BCAS3: variants seen among roughly 807,000 people sequenced by gnomAD.
BCAS3 encodes BCAS3 microtubule associated cell migration factor, also known as BCAS4/BCAS3 fusion.
Under a neutral mutation model 116.1 loss-of-function variants are expected in BCAS3, and 53 were observed. The observed-to-expected ratio is 0.46, with a 90% confidence interval of 0.37 to 0.57. BCAS3 has a LOEUF of 0.57. BCAS3 is among the 20% of genes least tolerant of loss of function. The pLI, the probability that BCAS3 is intolerant of heterozygous loss-of-function variation, is 0.00. For missense variants in BCAS3, 917 were observed against 1,165.4 expected (o/e 0.79, Z 3.10); for synonymous variants, 391 against 408.2 (o/e 0.96, Z 0.51).
intron 22 of BCAS3, among the ~76,000 whole-genome samples, chr17:61,271,925 G>A (rs749144748): frequency 2.0e-5 from 3 of 151,724 alleles, no homozygotes; most frequent in South Asian, 2.1e-4. Context: ...TCCTTCTGCC[G>A]CAGCTTCTCA....
chr17:60,815,389 C>T (rs534949170), intron 7 of BCAS3, among the ~76,000 whole-genome samples: 4 of 151,568 alleles, frequency 2.6e-5, no homozygotes, highest in African/African-American at 4.8e-5. Context: ...CGCGTGTATA[C>T]GTATGTAACA....
intron 6 of BCAS3, among the ~76,000 whole-genome samples, chr17:60,790,789 G>A (rs57880704): frequency 7.1e-6 from 1 of 141,236 alleles, no homozygotes; most frequent in African/African-American, 2.8e-5. Context: ...TGTTGTCCAG[G>A]TTGGAGTGCA....
chr17:61,174,120 T>G (rs1283198164), intron 22 of BCAS3, among the ~76,000 whole-genome samples: 1 of 152,194 alleles, frequency 6.6e-6, no homozygotes, highest in Non-Finnish European at 1.5e-5. Flanking sequence ...ATTGTATATA[T>G]TTGTGATGTA....
Position 60,684,912 on chromosome 17 carries a change from T to TG in BCAS3, c.138+879dup, listed in dbSNP as rs529490722. Among the ~76,000 whole-genome samples, 18 of 151,360 alleles carry TG rather than the reference T, an allele frequency of 1.2e-4. No homozygotes were observed. In the South Asian group the frequency reaches 3.7e-3, roughly 31 times the overall value. The stretch of plus-strand genomic sequence containing the variant: ...AGTGCCTTCAACCTGAAAAGCTGAG[T>TG]GGGAAAAAAAGGAGAAAAGAAACAG... On this transcript the variant is annotated intron_variant, in intron 3 of 23. Transcript: ENST00000407086.
Position 61,280,240 on chromosome 17 carries a change from T to C in BCAS3, c.2426-88087T>C, listed in dbSNP as rs376719174. 7.9e-5 allele frequency among the ~76,000 whole-genome samples: 12 copies of C among 152,344 alleles called. No homozygotes were observed. The East Asian group carries it at 2.3e-3, about 29-fold the overall frequency. On this transcript the variant is annotated intron_variant, in intron 22 of 23. Transcript: ENST00000407086. ...CTCCTCACTCATGGCTCAGTACTCT[T>C]TCCATTTTTGAATGAAGAAAGACAT...
chr17:60,826,764 A>T (rs2050466961), intron 7 of BCAS3, among the ~76,000 whole-genome samples: 1 of 152,202 alleles, frequency 6.6e-6, no homozygotes, highest in Admixed American at 6.5e-5. Flanking sequence ...TGGAAATTTA[A>T]CAGGAGTACT....
intron 9 of BCAS3, among the ~76,000 whole-genome samples, chr17:60,875,944 C>T (rs966611702): frequency 6.6e-6 from 1 of 151,778 alleles, no homozygotes; most frequent in African/African-American, 2.4e-5. Context: ...ATACCCCTTC[C>T]CCAATTATTT....
chr17:60,806,719 A>AT (rs1442311459), intron 6 of BCAS3, among the ~76,000 whole-genome samples: 1 of 151,872 alleles, frequency 6.6e-6, no homozygotes, highest in Non-Finnish European at 1.5e-5. Flanking sequence ...TACCCAACTA[A>AT]TTTTTTGTTT....
intron 6 of BCAS3, 122 bp downstream of exon 6, chr17:60,747,401 C>T (rs2042100771): frequency 2.8e-6 from 2 of 707,032 alleles, no homozygotes; most frequent in Admixed American, 2.4e-5. Flanking sequence ...ATTCCCCTTC[C>T]CCACCTCCCC....
Position 61,387,502 on chromosome 17 carries a change from A to G in BCAS3, c.2594-4475A>G, listed in dbSNP as rs1178183795. Among the ~76,000 whole-genome samples, 3 of 152,154 alleles carry G rather than the reference A, an allele frequency of 2.0e-5. No homozygotes were observed. Among genetic ancestry groups the G allele is most frequent in the Non-Finnish European group, 4.4e-5 (3 of 68,024 alleles). The stretch of plus-strand genomic sequence containing the variant: ...GCTTTTTTTTCACCCTGAGAACAGT[A>G]GTGCCAAGGATCCGGCTGTCTCATC... On this transcript the variant is annotated intron_variant, in intron 23 of 23. Coordinates refer to ENST00000407086, the MANE Select transcript of BCAS3 (RefSeq NM_017679.5). This position sits in a 1 kb window ranked among gnomAD's most constrained non-coding sequence, Gnocchi z 6.2.
At chr17:61,078,653 C>A in intron 21 of BCAS3, 124 bp downstream of exon 21, 1 of 759,824 alleles carries the variant, frequency 1.3e-6, no homozygotes, top group Non-Finnish European at 2.1e-6. Flanking sequence ...ACTACATGTA[C>A]TGTTGCACGT....
chr17:61,320,803 GATGT>G (rs543994848), intron 22 of BCAS3, among the ~76,000 whole-genome samples: 6 of 152,080 alleles, frequency 3.9e-5, no homozygotes, highest in South Asian at 2.1e-4. Context: ...ACTTGCTTTG[GATGT>G]ATGTTTCATA....
intron 22 of BCAS3, among the ~76,000 whole-genome samples, chr17:61,236,764 T>TAAAA (rs146982159): frequency 7.0e-6 from 1 of 142,854 alleles, no homozygotes. Context: ...ATGGAGAAGG[T>TAAAA]AAAAAAAAAA....
intron 7 of BCAS3, among the ~76,000 whole-genome samples, chr17:60,831,518 A>G (rs2050927254): frequency 6.6e-6 from 1 of 152,216 alleles, no homozygotes; most frequent in African/African-American, 2.4e-5. Flanking sequence ...ATCCTTTGTT[A>G]GAAAACAATT....
At chr17:60,924,561 T>C (rs990852809) in intron 13 of BCAS3, 61 bp downstream of exon 13, 2 of 1,284,326 alleles carry the variant, frequency 1.6e-6, no homozygotes, top group Admixed American at 4.1e-5. Flanking sequence ...TAATGGGTTT[T>C]CCAGCCAAAT....
intron 22 of BCAS3, among the ~76,000 whole-genome samples, chr17:61,297,094 T>A (rs1030881090): frequency 6.6e-6 from 1 of 152,138 alleles, no homozygotes; most frequent in African/African-American, 2.4e-5. Context: ...TGAGGAGTGA[T>A]GAATGCCTTC....
rs577268981 is a variant in BCAS3 at position 61,096,157 on chromosome 17, A to G, written c.2425+11593A>G. Among the ~76,000 whole-genome samples, 3 of 152,280 alleles carry G rather than the reference A, an allele frequency of 2.0e-5. No individual in the cohort carries two copies. The East Asian group carries it at 5.8e-4, about 29-fold the overall frequency. On this transcript the variant is annotated intron_variant, in intron 22 of 23. Coordinates refer to ENST00000407086, the MANE Select transcript of BCAS3 (RefSeq NM_017679.5). ...GATTACAGGCAAAACATAAACTTTT[A>G]TAACTATTCACTTATTTAAGCCTTC...
chr17:61,038,485 C>T (rs1274533335), intron 18 of BCAS3, among the ~76,000 whole-genome samples: 1 of 151,816 alleles, frequency 6.6e-6, no homozygotes, highest in Non-Finnish European at 1.5e-5. Flanking sequence ...GATCTCCTGA[C>T]CTCGTGATCT....
chr17:60,842,602 T>C (rs1168778603), intron 7 of BCAS3, among the ~76,000 whole-genome samples: 1 of 152,196 alleles, frequency 6.6e-6, no homozygotes, highest in Non-Finnish European at 1.5e-5. Flanking sequence ...TCTTCTGTGA[T>C]TCTACATTGT....
Sources: allele counts gnomAD v4.1 joint callset (sites outside exome capture counted in the v4.1 genomes callset), GRCh38; gene constraint gnomAD v4.1.1; non-coding constraint Gnocchi (gnomAD v3.1); transcripts MANE v1.5; gene names NCBI Gene and HGNC (gene_info 2026-07-23, HGNC 2026-07-21).